ARHGAP40: variants seen among roughly 807,000 people sequenced by gnomAD.
ARHGAP40 encodes the protein rho GTPase-activating protein 40.
A neutral mutation model predicts 73.5 loss-of-function variants in ARHGAP40; 43 were observed. That is an observed-to-expected ratio of 0.58 (90% confidence interval 0.46 to 0.75). ARHGAP40 has a LOEUF of 0.75. Among genes scored for constraint, ARHGAP40 ranks in the 30% least tolerant of loss-of-function variants. The probability of loss-of-function intolerance (pLI) is 0.00; values close to 1 mark genes in which losing one functional copy is unlikely to be tolerated. For synonymous variants in ARHGAP40, 300 were observed against 352.8 expected, an observed-to-expected ratio of 0.85 and a Z score of 1.68; for missense variants, 734 against 861.8, an observed-to-expected ratio of 0.85 and a Z score of 1.86.
At chr20:38,608,820 G>A (rs750136929) in intron 1 of ARHGAP40, among the ~76,000 whole-genome samples, 1 of 152,104 alleles carries the variant, frequency 6.6e-6, no homozygotes, top group African/African-American at 2.4e-5. Flanking sequence ...TCAAGGTGTC[G>A]GTAGGACTGT....
At chr20:38,624,595 G>C (rs537167105) in intron 2 of ARHGAP40, among the ~76,000 whole-genome samples, 2 of 151,940 alleles carry the variant, frequency 1.3e-5, no homozygotes, top group African/African-American at 4.8e-5. Flanking sequence ...TTCTGTCCTC[G>C]GGCCTCCTTG....
intron 11 of ARHGAP40, 68 bp from the exon 12 acceptor site, chr20:38,645,979 G>A (rs1018727191): frequency 1.6e-6 from 2 of 1,223,434 alleles, no homozygotes; most frequent in Admixed American, 2.9e-5. Context: ...CGATGACCCT[G>A]GAGAGGGCTC....
intron 1 of ARHGAP40, among the ~76,000 whole-genome samples, chr20:38,618,290 A>C (rs2088854701): frequency 6.6e-6 from 1 of 152,072 alleles, no homozygotes; most frequent in South Asian, 2.1e-4. Context: ...TACAAAATAC[A>C]AAAGAGACGG....
At chr20:38,632,055 C>T (rs574788835) in intron 5 of ARHGAP40, among the ~76,000 whole-genome samples, 10 of 152,050 alleles carry the variant, frequency 6.6e-5, no homozygotes, top group African/African-American at 2.4e-4. Flanking sequence ...CCTCCACCCC[C>T]GACGTTCAAG....
At chr20:38,628,561 CCCAAAGTG>C (rs1277030360) in intron 3 of ARHGAP40, among the ~76,000 whole-genome samples, 1 of 152,144 alleles carries the variant, frequency 6.6e-6, no homozygotes, top group East Asian at 1.9e-4. Flanking sequence ...GCCTCGGCCT[CCCAAAGTG>C]CTGGGATTAC....
rs534110347 is a variant in ARHGAP40, at chr20:38,628,310, T to C, written c.559-617T>C. ...CTACCTCATTATCAGTACAAAATCC[T>C]TTTTTTTTTTTTGAGACTGAGCCTC... On this transcript the variant is annotated intron_variant, in intron 3 of 14. Transcript: ENST00000373345. Among the ~76,000 whole-genome samples, 24 of 76,268 alleles carry C rather than the reference T, an allele frequency of 3.1e-4. No homozygotes were observed. In the East Asian group the frequency reaches 5.5e-3, roughly 17 times the overall value. 50.0% of individuals were successfully genotyped at this position (76,268 alleles called of 152,430 possible). A position where few individuals can be genotyped will look rare whatever the true frequency, so the allele number is the denominator to read the frequency against.
intron 1 of ARHGAP40, among the ~76,000 whole-genome samples, chr20:38,607,359 C>T (rs1018443274): frequency 5.3e-5 from 8 of 152,290 alleles, no homozygotes; most frequent in Non-Finnish European, 8.8e-5. Flanking sequence ...GTTCGAAACC[C>T]GGAACGGCCA....
chr20:38,618,167 T>C (rs2088853651), intron 1 of ARHGAP40, among the ~76,000 whole-genome samples: 1 of 152,026 alleles, frequency 6.6e-6, no homozygotes, highest in South Asian at 2.1e-4. Context: ...TGGTGCGATC[T>C]TGGTTCACTG....
chr20:38,630,003 A>G (rs957383137), intron 5 of ARHGAP40, among the ~76,000 whole-genome samples: 8 of 151,866 alleles, frequency 5.3e-5, no homozygotes, highest in African/African-American at 7.3e-5. Context: ...CCAATATTTT[A>G]GTTCTGTTCT....
At chr20:38,614,243 A>ACCCTCTTC (rs2088821044) in intron 1 of ARHGAP40, among the ~76,000 whole-genome samples, 1 of 151,982 alleles carries the variant, frequency 6.6e-6, no homozygotes. Context: ...CAGAGGAGAG[A>ACCCTCTTC]CCCTCTTCAT....
rs142435352 is a variant in ARHGAP40 at position 38,602,008 on chromosome 20, A to T, written c.66A>T (p.Ser22=). Residue 22 remains serine, a synonymous_variant, in exon 1 of 15, where the codon TCA becomes TCT. Coordinates refer to ENST00000373345, the Ensembl canonical transcript of ARHGAP40. ...GGCTGGCCCCAGGGCCCCTAGCCTC[A>T]CCGTGTCCTCGGATCCCGCGGGCCC... 4.9e-4 allele frequency: 630 copies of T among 1,287,526 alleles called. 8 individuals carry two copies. The African/African-American group carries it at 8.2e-3, about 17-fold the overall frequency. The allele number at this position is 1,287,526 out of a possible 1,614,324, so 79.8% of individuals were successfully genotyped here.
chr20:38,644,940 C>G (rs1036373007), intron 11 of ARHGAP40, among the ~76,000 whole-genome samples: 2 of 152,168 alleles, frequency 1.3e-5, no homozygotes, highest in African/African-American at 2.4e-5. Context: ...CTATCCCTTC[C>G]TTCTTCCATG....
exon 9 of ARHGAP40, chr20:38,639,280 C>G: frequency 7.7e-7 from 1 of 1,305,450 alleles, no homozygotes; most frequent in Non-Finnish European, 1.0e-6. Context: ...TTAGCTGGGA[C>G]GAGGTTCATC....
At chr20:38,603,384 G>A (rs1256786643) in intron 1 of ARHGAP40, among the ~76,000 whole-genome samples, 1 of 151,866 alleles carries the variant, frequency 6.6e-6, no homozygotes, top group East Asian at 1.9e-4. Context: ...ATTTTAAGAA[G>A]CCAAAGACAA....
Position 38,647,137 on chromosome 20 carries a change from C to A in ARHGAP40, c.1880+11C>A, listed in dbSNP as rs544142020. On this transcript the variant is annotated intron_variant, in intron 13 of 14. Transcript: ENST00000373345. ...CAGCCTCCTTCTACAGTAAGAGGCA[C>A]CTCCTGGAGGCAGGAGCCTCTTCCC... The A allele has an allele frequency of 1.3e-4, 165 of 1,301,506 alleles. 1 individual carries two copies. In the South Asian group the frequency reaches 1.9e-3, roughly 15 times the overall value. The allele number at this position is 1,301,506 out of a possible 1,614,324, so 80.6% of individuals were successfully genotyped here.
rs116145019 is a variant in ARHGAP40, at chr20:38,608,854, G to T, written c.137+6775G>T. Among the ~76,000 whole-genome samples the T allele has an allele frequency of 5.0e-3, 754 of 152,278 alleles. 6 individuals are homozygous for T. The highest frequency in any genetic ancestry group is 0.017 in the African/African-American group (719 of 41,554). On this transcript the variant is annotated intron_variant, in intron 1 of 14. Transcript: ENST00000373345. ...GTGATCCTTTCTGGAGGCTCTCGGGGACAATCAATTTTCTAGCTTCAAGAA... is the reference window on the plus strand; with the variant it reads ...GTGATCCTTTCTGGAGGCTCTCGGGTACAATCAATTTTCTAGCTTCAAGAA...
chr20:38,638,388 G>T (rs1384643675), intron 7 of ARHGAP40, among the ~76,000 whole-genome samples: 1 of 152,136 alleles, frequency 6.6e-6, no homozygotes. Context: ...GTCTCACTAT[G>T]TTGCCCAAGC....
At position 38,637,340 on chromosome 20, in the gene ARHGAP40, G is replaced by T. The variant is rs778626507; in HGVS notation, c.950-368G>T. 1.2e-3 allele frequency among the ~76,000 whole-genome samples: 187 copies of T among 152,056 alleles called. 3 individuals carry two copies. The highest frequency in any genetic ancestry group is 4.0e-4 in the Non-Finnish European group (27 of 67,974). ...TTTTGTGTGTTTTTAGTAGAGACAG[G>T]GTTTCGCCATGTTGGCCAGGCTAGT... is the stretch of plus-strand genomic sequence containing the variant. On this transcript the variant is annotated intron_variant, in intron 6 of 14. Transcript: ENST00000373345.
In ARHGAP40 at chr20:38,643,915, G is replaced by A; in HGVS notation, c.1569+5G>A. The A allele has an allele frequency of 3.9e-6, 5 of 1,292,702 alleles. No individual in the cohort carries two copies. Among genetic ancestry groups the A allele is most frequent in the South Asian group, 1.3e-5 (1 of 79,460 alleles). 80.1% of individuals were successfully genotyped at this position (1,292,702 alleles called of 1,614,324 possible). ...TACCAGGATCTGCTGTGGACGGTGA[G>A]TGCTGCTGGGCGCTGGGTATCCCTC... On this transcript the variant is annotated splice_donor_5th_base_variant and intron_variant, in intron 11 of 14. Coordinates refer to ENST00000373345, the Ensembl canonical transcript of ARHGAP40.
Sources: gnomAD v4.1 joint callset for allele counts (sites outside exome capture counted in the v4.1 genomes callset) on GRCh38, gnomAD v4.1.1 for gene constraint, MANE v1.5 for transcripts, NCBI Gene and HGNC (gene_info 2026-07-23, HGNC 2026-07-21) for gene names.